HSPA4L: variants seen among roughly 807,000 people sequenced by gnomAD.
The protein encoded by HSPA4L is heat shock 70 kDa protein 4L.
Under a neutral mutation model 100.3 loss-of-function variants are expected in HSPA4L, and 48 were observed. The ratio of observed to expected loss-of-function variants is 0.48; its 90% CI spans 0.38 to 0.61. The LOEUF (loss-of-function observed/expected upper bound fraction) is 0.61, where lower values mean the gene tolerates loss of function less well. HSPA4L is among the 20% of genes least tolerant of loss of function. The probability of loss-of-function intolerance (pLI) is 0.00; values close to 1 mark genes in which losing one functional copy is unlikely to be tolerated. For missense variants in HSPA4L, 886 were observed against 988.6 expected, an observed-to-expected ratio of 0.90 and a Z score of 1.39; for synonymous variants, 319 against 328.2, an observed-to-expected ratio of 0.97 and a Z score of 0.30.
intron 1 of HSPA4L, among the ~76,000 whole-genome samples, chr4:127,791,940 A>G (rs2148777635): frequency 6.6e-6 from 1 of 152,342 alleles, no homozygotes; most frequent in South Asian, 2.1e-4. Context: ...TTTCATTATT[A>G]TATCCCTAGC....
At chr4:127,812,436 A>C (rs1466707344) in intron 12 of HSPA4L, among the ~76,000 whole-genome samples, 1 of 151,176 alleles carries the variant, frequency 6.6e-6, no homozygotes, top group Non-Finnish European at 1.5e-5. Flanking sequence ...AAAAAAACAG[A>C]TTTTTTAACT....
In HSPA4L at chr4:127,832,602, A is replaced by G. The variant is rs190097730; in HGVS notation, c.2329-81A>G. The stretch of plus-strand genomic sequence containing the variant: ...AAGGGGGAATTATGTGAAAATTTAG[A>G]AAGTTAATGTGGAATTTAGAAAGTT... On this transcript the variant is annotated intron_variant, in intron 18 of 18. Transcript: ENST00000296464. 229 of 1,221,864 alleles carry G rather than the reference A, an allele frequency of 1.9e-4. 4 individuals are homozygous for G. The East Asian group carries it at 4.3e-3, about 23-fold the overall frequency. The allele number at this position is 1,221,864 out of a possible 1,614,324, so 75.7% of individuals were successfully genotyped here. A position where few individuals can be genotyped will look rare whatever the true frequency, so the allele number is the denominator to read the frequency against.
In HSPA4L at chr4:127,833,961, A is replaced by G. The variant is rs1261595503; in HGVS notation, c.*1087A>G. On this transcript the variant is annotated 3_prime_UTR_variant, in exon 19 of 19. Transcript: ENST00000296464. The stretch of plus-strand genomic sequence containing the variant: ...CAGGCAAAAATATAGAATGTTACAT[A>G]GTGTTGTGTGATTAAATTATAGTTC... 2.6e-5 allele frequency: 4 copies of G among 152,192 alleles called. No individual in the cohort carries two copies. The highest frequency in any genetic ancestry group is 9.6e-5 in the African/African-American group (4 of 41,468). 9.4% of individuals were successfully genotyped at this position (152,192 alleles called of 1,614,324 possible). A position where few individuals can be genotyped will look rare whatever the true frequency, so the allele number is the denominator to read the frequency against.
chr4:127,815,612 GTTCT>G (rs1172752940), intron 12 of HSPA4L, among the ~76,000 whole-genome samples: 4 of 151,888 alleles, frequency 2.6e-5, no homozygotes, highest in South Asian at 2.1e-4. Context: ...GACCATTTGG[GTTCT>G]TTATCTTTTT....
chr4:127,786,509 A>G (rs1732722516), intron 1 of HSPA4L, among the ~76,000 whole-genome samples: 1 of 152,218 alleles, frequency 6.6e-6, no homozygotes, highest in African/African-American at 2.4e-5. Flanking sequence ...TCTGTTGCCC[A>G]GGCTGGAGTA....
At chr4:127,800,046 T>G (rs1033477367) in intron 4 of HSPA4L, among the ~76,000 whole-genome samples, 2 of 152,190 alleles carry the variant, frequency 1.3e-5, no homozygotes, top group Non-Finnish European at 2.9e-5. Context: ...TAAATACACT[T>G]AATAGCTTTT....
rs1296473852 is a variant in HSPA4L at position 127,834,609 on chromosome 4, G to C, written c.*1735G>C. The C allele has an allele frequency of 6.6e-6, 1 of 152,128 alleles. No individual in the cohort carries two copies. Among genetic ancestry groups the C allele is most frequent in the African/African-American group, 2.4e-5 (1 of 41,450 alleles). The allele number at this position is 152,128 out of a possible 1,614,324, so 9.4% of individuals were successfully genotyped here. ...GAAATAGGTATATCCAATAGGTGAT[G>C]AAATACATTTTTTACAAACATAGAT... On this transcript the variant is annotated 3_prime_UTR_variant, in exon 19 of 19. Coordinates refer to ENST00000296464, the MANE Select transcript of HSPA4L (RefSeq NM_014278.4).
intron 12 of HSPA4L, among the ~76,000 whole-genome samples, chr4:127,815,802 G>C (rs938785257): frequency 6.6e-6 from 1 of 152,172 alleles, no homozygotes; most frequent in Non-Finnish European, 1.5e-5. Context: ...TAAATATAAA[G>C]GAAGTTAATG....
rs1322274050 is a variant in HSPA4L, at chr4:127,811,586, G to C, written c.1528G>C (p.Ala510Pro). 6.2e-7 allele frequency: 1 copy of C among 1,613,924 alleles called. No individual in the cohort carries two copies. Among genetic ancestry groups the C allele is most frequent in the Non-Finnish European group, 8.5e-7 (1 of 1,179,950 alleles). ...AAATTTGGAAGGCGATCACAGTGAT[G>C]CTCCAATGGAGACAGAAACTTCATT... ...KQNLEGDHSD[A>P]PMETETSFKN... The change falls in exon 12 of 19, where the codon GCT becomes CCT. Residue 510 changes from alanine (A) to proline (P), a missense_variant. By Grantham distance (27) the Ala-to-Pro change is conservative. Transcript: ENST00000296464.
At chr4:127,823,159 A>G (rs1291747708) in intron 15 of HSPA4L, among the ~76,000 whole-genome samples, 1 of 151,572 alleles carries the variant, frequency 6.6e-6, no homozygotes, top group East Asian at 1.9e-4. Context: ...TTTTTTATTT[A>G]TTTATTTGAG....
intron 17 of HSPA4L, among the ~76,000 whole-genome samples, chr4:127,828,025 G>C (rs1733991600): frequency 1.3e-5 from 2 of 151,968 alleles, no homozygotes; most frequent in Admixed American, 1.3e-4. Context: ...CTCTAAATCA[G>C]TAGTTATCAG....
At chr4:127,789,720 A>G (rs1335123852) in intron 1 of HSPA4L, among the ~76,000 whole-genome samples, 1 of 152,198 alleles carries the variant, frequency 6.6e-6, no homozygotes, top group South Asian at 2.1e-4. Context: ...GAAATAATCA[A>G]TACAAAGTAT....
intron 16 of HSPA4L, among the ~76,000 whole-genome samples, chr4:127,824,002 T>G (rs905114695): frequency 1.3e-5 from 2 of 152,196 alleles, no homozygotes; most frequent in African/African-American, 4.8e-5. Context: ...GACCAGTAGC[T>G]CTCCATCATA....
At chr4:127,791,276 A>G (rs1392093119) in intron 1 of HSPA4L, among the ~76,000 whole-genome samples, 4 of 152,214 alleles carry the variant, frequency 2.6e-5, no homozygotes, top group African/African-American at 7.2e-5. Context: ...CAGATGTCCA[A>G]CCATTTGGCT....
intron 11 of HSPA4L, among the ~76,000 whole-genome samples, chr4:127,808,581 G>T (rs1457172213): frequency 6.6e-6 from 1 of 152,016 alleles, no homozygotes; most frequent in Non-Finnish European, 1.5e-5. Flanking sequence ...GACTACCAGA[G>T]GATTGCTTGA....
intron 3 of HSPA4L, among the ~76,000 whole-genome samples, chr4:127,797,377 G>A (rs1210107907): frequency 6.6e-6 from 1 of 152,018 alleles, no homozygotes; most frequent in East Asian, 1.9e-4. Context: ...CAGGCTTTGA[G>A]AATAGGCTGA....
chr4:127,804,973 C>T, intron 8 of HSPA4L, 100 bp from the exon 9 acceptor site: 2 of 635,558 alleles, frequency 3.1e-6, no homozygotes, highest in Non-Finnish European at 5.2e-6. Flanking sequence ...TATTTTCTGA[C>T]AAGTAAAAAG....
Position 127,801,919 on chromosome 4 carries a change from G to A in HSPA4L, c.663+1G>A. The stretch of plus-strand genomic sequence containing the variant: ...TGCTTTTAACAAAGGAAAACTTAAA[G>A]TAAGTAAACACATGGTTTGTTATAT... On this transcript the variant is annotated splice_donor_variant, in intron 6 of 18. Transcript: ENST00000296464. LOFTEE classifies it high-confidence loss of function. 1 of 1,593,098 alleles carries A rather than the reference G, an allele frequency of 6.3e-7. No homozygotes were observed. Among genetic ancestry groups the A allele is most frequent in the South Asian group, 1.1e-5 (1 of 87,796 alleles).
chr4:127,784,888 T>G (rs542297750), intron 1 of HSPA4L, among the ~76,000 whole-genome samples: 1 of 152,366 alleles, frequency 6.6e-6, no homozygotes, highest in East Asian at 1.9e-4. Flanking sequence ...AAATAAAATG[T>G]TTTTCATATT....
Sources: gnomAD v4.1 joint callset for allele counts (sites outside exome capture counted in the v4.1 genomes callset) on GRCh38, gnomAD v4.1.1 for gene constraint, MANE v1.5 for transcripts, NCBI Gene and HGNC (gene_info 2026-07-23, HGNC 2026-07-21) for gene names.